Variants in OR1J2 observed in about 807,000 individuals in gnomAD.
OR1J2 encodes olfactory receptor family 1 subfamily J member 2.
For synonymous variants in OR1J2, 142 were observed against 99.7 expected, an observed-to-expected ratio of 1.42 and a Z score of -2.52; for missense variants, 304 against 246.1, an observed-to-expected ratio of 1.24 and a Z score of -1.57.
the OR1J2 span, among the ~76,000 whole-genome samples, chr9:122,535,620 G>A: frequency 6.6e-6 from 1 of 152,180 alleles, no homozygotes; most frequent in Non-Finnish European, 1.5e-5. Flanking sequence ...AAATTGGTGA[G>A]ATGTTTCTTG....
At chr9:122,515,393 TAC>T (rs1554732996), downstream of OR1J2, among the ~76,000 whole-genome samples, 7 of 150,760 alleles carry the variant, frequency 4.6e-5, no homozygotes, top group South Asian at 2.1e-4. Flanking sequence ...TGTGTGTGTA[TAC>T]GGGTGCTCAG....
the OR1J2 span, among the ~76,000 whole-genome samples, chr9:122,449,823 G>T: frequency 6.6e-6 from 1 of 152,108 alleles, no homozygotes; most frequent in African/African-American, 2.4e-5. Flanking sequence ...CATAGATCGG[G>T]TATGCTGTAC....
the OR1J2 span, among the ~76,000 whole-genome samples, chr9:122,522,583 A>ATGTGTGTGTG: frequency 4.6e-5 from 7 of 150,744 alleles, no homozygotes; most frequent in South Asian, 1.0e-3. Flanking sequence ...AACTGTGTGC[A>ATGTGTGTGTG]TGTGTGTGTG....
At chr9:122,530,150 A>G in the OR1J2 span, among the ~76,000 whole-genome samples, 1 of 152,172 alleles carries the variant, frequency 6.6e-6, no homozygotes, top group East Asian at 1.9e-4. Flanking sequence ...TGAATAAAGG[A>G]CTGTAAAGCC....
At chr9:122,447,879 G>A in the OR1J2 span, among the ~76,000 whole-genome samples, 1 of 152,160 alleles carries the variant, frequency 6.6e-6, no homozygotes. Context: ...GCTCACATCT[G>A]TAATCTCAGC....
At chr9:122,537,669 T>A in the OR1J2 span, among the ~76,000 whole-genome samples, 2,465 of 152,304 alleles carry the variant, frequency 0.016, 63 homozygotes, top group African/African-American at 0.057. Flanking sequence ...TTCCTATCCA[T>A]GAGCACAGGA....
the OR1J2 span, among the ~76,000 whole-genome samples, chr9:122,578,896 C>T: frequency 2.0e-5 from 3 of 152,018 alleles, no homozygotes; most frequent in South Asian, 2.1e-4. Context: ...TCACCACTAA[C>T]GAACTTAAAC....
chr9:122,513,532 T>TTA (rs1828664559), downstream of OR1J2, among the ~76,000 whole-genome samples: 1 of 152,050 alleles, frequency 6.6e-6, no homozygotes, highest in African/African-American at 2.4e-5. Flanking sequence ...AAGCATTTTT[T>TTA]TTTTTTATTT....
At chr9:122,539,474 A>G in the OR1J2 span, among the ~76,000 whole-genome samples, 3 of 152,172 alleles carry the variant, frequency 2.0e-5, no homozygotes, top group Admixed American at 6.5e-5. Context: ...ATAGTATTCC[A>G]TGGTGTATAG....
chr9:122,502,342 C>A, the OR1J2 span, among the ~76,000 whole-genome samples: 1 of 152,292 alleles, frequency 6.6e-6, no homozygotes, highest in African/African-American at 2.4e-5. Context: ...GGGTGTAATG[C>A]AATTTATACT....
downstream of OR1J2, chr9:122,511,889 G>T: frequency 3.2e-6 from 2 of 620,634 alleles, no homozygotes; most frequent in Non-Finnish European, 5.8e-6. Context: ...ATATTTGTTG[G>T]CCAGAATTCC....
the OR1J2 span, among the ~76,000 whole-genome samples, chr9:122,539,781 T>G: frequency 6.6e-6 from 1 of 152,176 alleles, no homozygotes; most frequent in African/African-American, 2.4e-5. Flanking sequence ...CACCTGTTGT[T>G]TCCTGACTTT....
At chr9:122,511,924 T>C (rs1401514194), downstream of OR1J2, among the ~76,000 whole-genome samples, 1 of 152,240 alleles carries the variant, frequency 6.6e-6, no homozygotes, top group Admixed American at 6.5e-5. Context: ...AATGTTATTC[T>C]TTATAGTTTT....
the OR1J2 span, among the ~76,000 whole-genome samples, chr9:122,457,559 A>G: frequency 6.6e-6 from 1 of 152,104 alleles, no homozygotes; most frequent in Non-Finnish European, 1.5e-5. Flanking sequence ...CTCAAACAAG[A>G]AACTATGGCC....
chr9:122,575,470 C>T, the OR1J2 span, among the ~76,000 whole-genome samples: 4 of 152,144 alleles, frequency 2.6e-5, no homozygotes, highest in African/African-American at 9.6e-5. Context: ...TTTAGGTTAT[C>T]AAATTTGTGG....
the OR1J2 span, among the ~76,000 whole-genome samples, chr9:122,452,977 G>A: frequency 4.7e-5 from 7 of 147,624 alleles, no homozygotes; most frequent in Non-Finnish European, 7.4e-5. Context: ...GCAGTGAGCC[G>A]AGATCACGCC....
the OR1J2 span, among the ~76,000 whole-genome samples, chr9:122,517,606 T>C: frequency 1.3e-5 from 2 of 152,244 alleles, no homozygotes; most frequent in Non-Finnish European, 2.9e-5. Context: ...CATTTGGCAT[T>C]GCTTTTTGAC....
upstream of OR1J2, among the ~76,000 whole-genome samples, chr9:122,508,898 C>T (rs890804360): frequency 2.6e-5 from 4 of 152,162 alleles, no homozygotes; most frequent in South Asian, 2.1e-4. Context: ...GGCATTTCTT[C>T]GAGAGGTTCT....
the OR1J2 span, among the ~76,000 whole-genome samples, chr9:122,454,350 C>T: frequency 6.6e-6 from 1 of 152,078 alleles, no homozygotes; most frequent in Admixed American, 6.5e-5. Flanking sequence ...AACCCTGTCT[C>T]TACTAAAAAT....
Sources: gnomAD v4.1 joint callset for allele counts (sites outside exome capture counted in the v4.1 genomes callset) on GRCh38, gnomAD v4.1.1 for gene constraint, MANE v1.5 for transcripts, NCBI Gene and HGNC (gene_info 2026-07-23, HGNC 2026-07-21) for gene names.